TBC1D22A: variants seen among roughly 807,000 people sequenced by gnomAD.
TBC1D22A encodes putative GTPase activator.
In TBC1D22A, 38 loss-of-function variants were observed where a neutral mutation model predicts 60.2. That is an observed-to-expected ratio of 0.63 (90% CI 0.49 to 0.83). The LOEUF is 0.83. Among genes scored for constraint, TBC1D22A ranks in the 40% least tolerant of loss-of-function variants. The pLI, the probability that TBC1D22A is intolerant of heterozygous loss-of-function variation, is 0.00. For missense variants in TBC1D22A, 628 were observed against 701.0 expected (o/e 0.90, Z 1.18); for synonymous variants, 302 against 281.7 (o/e 1.07, Z -0.72).
chr22:46,831,535 G>T (rs1179735264), intron 4 of TBC1D22A, among the ~76,000 whole-genome samples: 1 of 152,142 alleles, frequency 6.6e-6, no homozygotes, highest in Non-Finnish European at 1.5e-5. Context: ...GTTTTATGCA[G>T]TTTTTCAAGT....
intron 12 of TBC1D22A, among the ~76,000 whole-genome samples, chr22:47,164,964 A>G (rs978230197): frequency 2.0e-5 from 3 of 152,178 alleles, no homozygotes; most frequent in African/African-American, 7.2e-5. Context: ...TGTGTGGTCC[A>G]TGGAGACTGT....
chr22:47,047,577 C>T (rs1333969444), intron 11 of TBC1D22A, among the ~76,000 whole-genome samples: 1 of 152,218 alleles, frequency 6.6e-6, no homozygotes. Context: ...TCGGGAAGCA[C>T]CGGCTGCCCC....
intron 12 of TBC1D22A, among the ~76,000 whole-genome samples, chr22:47,148,925 G>A (rs2067389914): frequency 1.3e-5 from 2 of 148,964 alleles, no homozygotes; most frequent in South Asian, 2.1e-4. Context: ...GTCCCTTCAT[G>A]CAGGTTCTAG....
intron 1 of TBC1D22A, among the ~76,000 whole-genome samples, chr22:46,791,820 G>C (rs986995588): frequency 2.6e-5 from 4 of 152,182 alleles, no homozygotes; most frequent in Non-Finnish European, 5.9e-5. Context: ...CAGTGCAGTG[G>C]CACGATCTCG....
chr22:46,842,668 G>A (rs760799366), intron 4 of TBC1D22A, among the ~76,000 whole-genome samples: 54 of 152,232 alleles, frequency 3.5e-4, no homozygotes, highest in East Asian at 1.9e-4. Context: ...CCTGTGCAGC[G>A]CGATCTCCGA....
At chr22:46,921,590 C>T (rs574464873) in intron 8 of TBC1D22A, among the ~76,000 whole-genome samples, 3 of 152,270 alleles carry the variant, frequency 2.0e-5, no homozygotes, top group Admixed American at 2.0e-4. Flanking sequence ...ATTGATATTC[C>T]TTTGGGTGTA....
intron 12 of TBC1D22A, among the ~76,000 whole-genome samples, chr22:47,167,132 G>T (rs372512582): frequency 6.6e-6 from 1 of 152,338 alleles, no homozygotes; most frequent in East Asian, 1.9e-4. Flanking sequence ...CGATGACCAC[G>T]TTCGTCTTTG....
chr22:47,023,914 A>G (rs2062169640), intron 10 of TBC1D22A, among the ~76,000 whole-genome samples: 1 of 152,272 alleles, frequency 6.6e-6, no homozygotes, highest in African/African-American at 2.4e-5. Flanking sequence ...AGGAGTGCCC[A>G]AAGTGGCAAG....
intron 5 of TBC1D22A, among the ~76,000 whole-genome samples, chr22:46,890,968 C>T (rs1305432706): frequency 3.9e-5 from 6 of 152,202 alleles, no homozygotes; most frequent in Non-Finnish European, 7.3e-5. Context: ...TTGGGCCCAC[C>T]TGCTGCAGGG....
intron 7 of TBC1D22A, among the ~76,000 whole-genome samples, chr22:46,906,070 G>C (rs563789333): frequency 6.6e-6 from 1 of 152,080 alleles, no homozygotes; most frequent in African/African-American, 2.4e-5. Flanking sequence ...TGGGACCTGC[G>C]ACCTGCGTTT....
chr22:47,053,032 A>G (rs1026028657), intron 11 of TBC1D22A, among the ~76,000 whole-genome samples: 1 of 152,016 alleles, frequency 6.6e-6, no homozygotes, highest in Non-Finnish European at 1.5e-5. Context: ...GGTCATTGTC[A>G]TGTCTCTGTC....
intron 8 of TBC1D22A, among the ~76,000 whole-genome samples, chr22:46,967,821 C>T (rs536237783): frequency 6.6e-6 from 1 of 151,608 alleles, no homozygotes; most frequent in Non-Finnish European, 1.5e-5. Flanking sequence ...TAATTACAAG[C>T]TATGATTCCA....
chr22:46,975,904 G>T (rs914830775), intron 9 of TBC1D22A, among the ~76,000 whole-genome samples: 1 of 152,202 alleles, frequency 6.6e-6, no homozygotes, highest in Non-Finnish European at 1.5e-5. Flanking sequence ...CTATTGGCTG[G>T]TCCAGACTCC....
intron 4 of TBC1D22A, among the ~76,000 whole-genome samples, chr22:46,870,873 C>G (rs993267347): frequency 1.3e-5 from 2 of 152,198 alleles, no homozygotes; most frequent in African/African-American, 4.8e-5. Flanking sequence ...GACCTAAACA[C>G]CTTCCCACAA....
At chr22:47,020,462 G>A (rs189269938) in intron 10 of TBC1D22A, among the ~76,000 whole-genome samples, 2 of 152,012 alleles carry the variant, frequency 1.3e-5, no homozygotes, top group Non-Finnish European at 2.9e-5. Context: ...AATTTGTGCT[G>A]TTTTCACTGG....
intron 12 of TBC1D22A, among the ~76,000 whole-genome samples, chr22:47,159,330 T>C (rs1010041218): frequency 7.5e-5 from 9 of 119,334 alleles, no homozygotes; most frequent in African/African-American, 1.3e-4. Context: ...CACACATGTA[T>C]ACACACACAC....
intron 8 of TBC1D22A, among the ~76,000 whole-genome samples, chr22:46,943,077 G>A (rs2072275082): frequency 6.6e-6 from 1 of 152,184 alleles, no homozygotes; most frequent in African/African-American, 2.4e-5. Context: ...GGAGCCAGAG[G>A]ACTTCCGCAG....
At chr22:46,803,387 G>A (rs1180753796) in intron 4 of TBC1D22A, among the ~76,000 whole-genome samples, 1 of 152,194 alleles carries the variant, frequency 6.6e-6, no homozygotes, top group African/African-American at 2.4e-5. Context: ...GCTGTTGGAG[G>A]CCTGAGGAAG....
chr22:46,978,109 C>T (rs1366195653), intron 9 of TBC1D22A, among the ~76,000 whole-genome samples: 2 of 152,240 alleles, frequency 1.3e-5, no homozygotes, highest in Non-Finnish European at 2.9e-5. Context: ...AGTGCAGGCT[C>T]TCCTGCCCTG....
Sources: gnomAD v4.1 joint callset for allele counts (sites outside exome capture counted in the v4.1 genomes callset) on GRCh38, gnomAD v4.1.1 for gene constraint, MANE v1.5 for transcripts, NCBI Gene and HGNC (gene_info 2026-07-23, HGNC 2026-07-21) for gene names.